SDK1: variants seen among roughly 807,000 people sequenced by gnomAD.
SDK1 encodes sidekick cell adhesion molecule 1, also known as protein sidekick-1.
Under a neutral mutation model 245.5 loss-of-function variants are expected in SDK1, and 157 were observed. That is an observed-to-expected ratio of 0.64 (90% CI 0.56 to 0.73). SDK1 has a LOEUF of 0.73. Among genes scored for constraint, SDK1 ranks in the 30% least tolerant of loss-of-function variants. SDK1 has a pLI of 0.00. For missense variants in SDK1, 3,583 were observed against 3,002.3 expected, an observed-to-expected ratio of 1.19 and a Z score of -4.52; for synonymous variants, 1,647 against 1,278.5, an observed-to-expected ratio of 1.29 and a Z score of -6.15.
chr7:3,791,339 A>G (rs914953915), intron 4 of SDK1, among the ~76,000 whole-genome samples: 8 of 152,140 alleles, frequency 5.3e-5, no homozygotes, highest in African/African-American at 1.2e-4. Flanking sequence ...AACTGTTTTG[A>G]ATTATTTAGG....
chr7:4,003,699 G>A (rs999296313), intron 14 of SDK1, among the ~76,000 whole-genome samples: 3 of 152,222 alleles, frequency 2.0e-5, no homozygotes, highest in Admixed American at 6.5e-5. Flanking sequence ...AGACCTTCCA[G>A]ACACGGGGAA....
Position 4,174,356 on chromosome 7 carries a change from A to T in SDK1, c.4935A>T (p.Thr1645=), listed in dbSNP as rs1782051524. ...CTATAGCTTTACATGCTGAGCTCACAGGTGAGACTGTCCCCTCTGTCCTGG... is the reference window on the plus strand; with the variant it reads ...CTATAGCTTTACATGCTGAGCTCACTGGTGAGACTGTCCCCTCTGTCCTGG... ...KNPIALHAEL[T]AQSSFKTVNS... Residue 1645 remains threonine, a splice_region_variant and synonymous_variant, in exon 33 of 45, where the codon ACA becomes ACT. Coordinates refer to ENST00000404826, the MANE Select transcript of SDK1 (RefSeq NM_152744.4). 2.5e-6 allele frequency: 4 copies of T among 1,613,700 alleles called. No individual in the cohort carries two copies. The East Asian group carries it at 8.9e-5, about 36-fold the overall frequency.
intron 35 of SDK1, among the ~76,000 whole-genome samples, chr7:4,195,398 T>C (rs1783517969): frequency 6.6e-6 from 1 of 152,168 alleles, no homozygotes; most frequent in South Asian, 2.1e-4. Flanking sequence ...GCAGCTCCGC[T>C]TCTCTCTGGG....
At chr7:4,198,017 A>G (rs900302489) in intron 35 of SDK1, among the ~76,000 whole-genome samples, 5 of 152,214 alleles carry the variant, frequency 3.3e-5, no homozygotes, top group Admixed American at 2.0e-4. Context: ...AGGCCTGCCC[A>G]CTGCATCTAA....
intron 13 of SDK1, among the ~76,000 whole-genome samples, chr7:3,975,614 G>T (rs577715390): frequency 6.6e-6 from 1 of 152,214 alleles, no homozygotes; most frequent in Non-Finnish European, 1.5e-5. Flanking sequence ...TCTGCCACAC[G>T]CATGTGGAAA....
At chr7:3,945,087 C>G (rs1041776674) in intron 5 of SDK1, among the ~76,000 whole-genome samples, 2 of 152,218 alleles carry the variant, frequency 1.3e-5, no homozygotes, top group Admixed American at 1.3e-4. Flanking sequence ...GCACTCCAGC[C>G]TGGGTGACAA....
intron 4 of SDK1, among the ~76,000 whole-genome samples, chr7:3,782,746 T>G (rs1780783321): frequency 1.3e-5 from 2 of 152,194 alleles, no homozygotes; most frequent in African/African-American, 2.4e-5. Context: ...TATTAGTAGT[T>G]GAGAAAAATA....
intron 4 of SDK1, among the ~76,000 whole-genome samples, chr7:3,676,732 A>G (rs1362854650): frequency 1.3e-5 from 2 of 152,250 alleles, no homozygotes; most frequent in Admixed American, 6.5e-5. Flanking sequence ...ATTCTTCTGC[A>G]TATGGATATC....
At chr7:3,893,798 C>T (rs1199985380) in intron 5 of SDK1, among the ~76,000 whole-genome samples, 3 of 151,948 alleles carry the variant, frequency 2.0e-5, no homozygotes, top group South Asian at 2.1e-4. Context: ...ATGGTGATTT[C>T]GTGATCCCAG....
chr7:3,370,174 A>G (rs1781187029), intron 1 of SDK1, among the ~76,000 whole-genome samples: 1 of 152,192 alleles, frequency 6.6e-6, no homozygotes, highest in Non-Finnish European at 1.5e-5. Flanking sequence ...AGTGGTTGTT[A>G]ATGCCTCAGA....
rs1780331757 is a variant in SDK1, at chr7:3,577,483, A to G, written c.299-41597A>G. Among the ~76,000 whole-genome samples, 3 of 151,990 alleles carry G rather than the reference A, an allele frequency of 2.0e-5. No homozygotes were observed. The South Asian group carries it at 6.2e-4, about 32-fold the overall frequency. On this transcript the variant is annotated intron_variant, in intron 1 of 44. Coordinates refer to ENST00000404826, the MANE Select transcript of SDK1 (RefSeq NM_152744.4). ...TTCATGGGCTTTCATGCCCTACAGG[A>G]TGGCTCTTTTCATGCTCTTCCCTCT...
rs142885907 is a variant in SDK1, at chr7:3,836,999, C to T, written c.847+15416C>T. ...AGGAAGGGAGGCGAGCTTTAGAGAG[C>T]TCTGGTGTCTCTTCCGCTTCTTATA... On this transcript the variant is annotated intron_variant, in intron 5 of 44. Coordinates refer to ENST00000404826, the MANE Select transcript of SDK1 (RefSeq NM_152744.4). 2.6e-5 allele frequency among the ~76,000 whole-genome samples: 4 copies of T among 152,192 alleles called. No individual in the cohort carries two copies. In the East Asian group the frequency reaches 5.8e-4, roughly 22 times the overall value.
rs113078798 is a variant in SDK1 at position 3,598,434 on chromosome 7, A to G, written c.299-20646A>G. Reference sequence around the variant, plus strand: ...TGAGATCATTGTAGACTCAAATGCAATTGTTAGAAGTAATACACAGAGATC... The same window carrying G: ...TGAGATCATTGTAGACTCAAATGCAGTTGTTAGAAGTAATACACAGAGATC... On this transcript the variant is annotated intron_variant, in intron 1 of 44. Coordinates refer to ENST00000404826, the MANE Select transcript of SDK1 (RefSeq NM_152744.4). Among the ~76,000 whole-genome samples the G allele has an allele frequency of 8.4e-3, 1,282 of 152,218 alleles. 22 individuals carry two copies. The highest frequency in any genetic ancestry group is 0.029 in the African/African-American group (1,209 of 41,518).
chr7:3,829,906 C>A (rs1195423897), intron 5 of SDK1, among the ~76,000 whole-genome samples: 1 of 152,148 alleles, frequency 6.6e-6, no homozygotes, highest in African/African-American at 2.4e-5. Context: ...ACAGCAAACA[C>A]AGGTTTGGCT....
At chr7:3,823,959 T>G (rs552431422) in intron 5 of SDK1, among the ~76,000 whole-genome samples, 1 of 147,108 alleles carries the variant, frequency 6.8e-6, no homozygotes, top group East Asian at 1.9e-4. Flanking sequence ...TGTGTTTTTT[T>G]TTTTTGTTTT....
chr7:3,324,706 C>G (rs1779899208), intron 1 of SDK1, among the ~76,000 whole-genome samples: 1 of 152,110 alleles, frequency 6.6e-6, no homozygotes, highest in African/African-American at 2.4e-5. Flanking sequence ...GAAAACTGTT[C>G]TTTAGAAAAG....
chr7:3,515,492 T>A (rs1202699942), intron 1 of SDK1, among the ~76,000 whole-genome samples: 2 of 152,178 alleles, frequency 1.3e-5, no homozygotes, highest in African/African-American at 4.8e-5. Context: ...ATGAATGATT[T>A]TATTTAAAAA....
chr7:3,542,227 A>G (rs773425132), intron 1 of SDK1, among the ~76,000 whole-genome samples: 1 of 152,164 alleles, frequency 6.6e-6, no homozygotes. Context: ...CATAGCTTAG[A>G]TGTGCCTTGA....
chr7:3,634,144 G>A (rs181695770), intron 2 of SDK1, among the ~76,000 whole-genome samples: 2 of 152,286 alleles, frequency 1.3e-5, no homozygotes, highest in Admixed American at 6.5e-5. Context: ...ATATCCAGAT[G>A]TGGTCTTTTC....
Sources: gnomAD v4.1 joint callset for allele counts (sites outside exome capture counted in the v4.1 genomes callset) on GRCh38, gnomAD v4.1.1 for gene constraint, MANE v1.5 for transcripts, NCBI Gene and HGNC (gene_info 2026-07-23, HGNC 2026-07-21) for gene names.